Variants in SV2C observed in about 807,000 individuals in gnomAD.
The protein encoded by SV2C is synaptic vesicle glycoprotein 2C, also known as solute carrier family 22 member B3.
SV2C carries 49 observed loss-of-function variants against 79.7 expected under a neutral mutation model. That is an observed-to-expected ratio of 0.61 (90% CI 0.49 to 0.78). SV2C has a LOEUF of 0.78. SV2C is among the 30% of genes least tolerant of loss of function. The pLI is 0.00. For missense variants in SV2C, 833 were observed against 912.9 expected, an observed-to-expected ratio of 0.91 and a Z score of 1.13; for synonymous variants, 334 against 333.2, an observed-to-expected ratio of 1.00 and a Z score of -0.03.
the SV2C span, among the ~76,000 whole-genome samples, chr5:76,022,267 T>C: frequency 6.6e-6 from 1 of 152,204 alleles, no homozygotes; most frequent in East Asian, 1.9e-4. Flanking sequence ...TCTTCCCAAG[T>C]ACCTGACTGC....
At chr5:76,196,704 C>T (rs749555081) in intron 3 of SV2C, among the ~76,000 whole-genome samples, 1 of 152,228 alleles carries the variant, frequency 6.6e-6, no homozygotes, top group African/African-American at 2.4e-5. Flanking sequence ...AGAAGGCTAA[C>T]AGCATAAGCG....
the SV2C span, among the ~76,000 whole-genome samples, chr5:76,041,890 A>G: frequency 6.6e-6 from 1 of 152,206 alleles, no homozygotes; most frequent in East Asian, 1.9e-4. Flanking sequence ...GAGTTTATTC[A>G]CTGACGGAAG....
At chr5:76,173,128 A>G (rs1475242168) in intron 2 of SV2C, among the ~76,000 whole-genome samples, 6 of 148,530 alleles carry the variant, frequency 4.0e-5, no homozygotes, top group African/African-American at 1.5e-4. Context: ...TATTTTGTAC[A>G]ATAATAATGA....
chr5:76,146,666 C>T (rs1312888500), intron 2 of SV2C, among the ~76,000 whole-genome samples: 1 of 151,950 alleles, frequency 6.6e-6, no homozygotes, highest in Non-Finnish European at 1.5e-5. Flanking sequence ...GGGAATGCAG[C>T]CCAGTAGGTC....
At chr5:75,870,291 A>T in the SV2C span, among the ~76,000 whole-genome samples, 4 of 152,088 alleles carry the variant, frequency 2.6e-5, no homozygotes, top group Non-Finnish European at 4.4e-5. Flanking sequence ...GAATTCTACC[A>T]GATAAATTTA....
the SV2C span, among the ~76,000 whole-genome samples, chr5:75,983,784 A>G: frequency 6.6e-6 from 1 of 152,088 alleles, no homozygotes; most frequent in Non-Finnish European, 1.5e-5. Context: ...CCTGCCTCTG[A>G]GATTTGCCTT....
At chr5:76,239,506 G>A (rs894075499) in intron 4 of SV2C, among the ~76,000 whole-genome samples, 4 of 152,176 alleles carry the variant, frequency 2.6e-5, no homozygotes, top group Non-Finnish European at 4.4e-5. Context: ...CATGATACCT[G>A]GGGTCTTTGC....
chr5:75,875,516 C>T, the SV2C span, among the ~76,000 whole-genome samples: 1 of 152,122 alleles, frequency 6.6e-6, no homozygotes, highest in Non-Finnish European at 1.5e-5. Flanking sequence ...AGTACATAGG[C>T]ACAGGCAAAT....
At chr5:76,286,869 T>C (rs1226236443) in intron 6 of SV2C, 1 of 152,104 alleles carries the variant, frequency 6.6e-6, no homozygotes, top group Non-Finnish European at 1.5e-5. Flanking sequence ...CTGACTGTCA[T>C]GAGAACAGCA....
At chr5:76,319,231 T>C (rs12055200) in intron 12 of SV2C, among the ~76,000 whole-genome samples, 2 of 145,702 alleles carry the variant, frequency 1.4e-5, no homozygotes, top group East Asian at 4.1e-4. Flanking sequence ...GGCAACATGG[T>C]GAAACCTGCA....
chr5:76,053,138 C>G, the SV2C span, among the ~76,000 whole-genome samples: 1 of 150,554 alleles, frequency 6.6e-6, no homozygotes, highest in East Asian at 1.9e-4. Context: ...GTAGAATACT[C>G]AAGAACTTCA....
At chr5:75,864,310 C>CTCCA in the SV2C span, among the ~76,000 whole-genome samples, 34,310 of 149,612 alleles carry the variant, frequency 0.23, 4,128 homozygotes, top group South Asian at 0.33. Flanking sequence ...TCCAGTGCCA[C>CTCCA]TCCATCCATC....
At chr5:76,144,701 C>A (rs1020137867) in intron 2 of SV2C, among the ~76,000 whole-genome samples, 2 of 152,022 alleles carry the variant, frequency 1.3e-5, no homozygotes, top group African/African-American at 4.8e-5. Context: ...AGGGCAGATG[C>A]AGAATATTCA....
At chr5:75,850,790 T>C in the SV2C span, among the ~76,000 whole-genome samples, 2,111 of 152,144 alleles carry the variant, frequency 0.014, 52 homozygotes, top group African/African-American at 0.049. Context: ...GACAAAGGCT[T>C]GCTGGGGATT....
chr5:76,258,313 A>T (rs912180092), intron 4 of SV2C, among the ~76,000 whole-genome samples: 5 of 152,220 alleles, frequency 3.3e-5, no homozygotes, highest in Middle Eastern at 3.4e-3. Context: ...AGACAGAAGG[A>T]CATGGGCAGG....
chr5:76,026,968 TC>T, the SV2C span, among the ~76,000 whole-genome samples: 3 of 152,284 alleles, frequency 2.0e-5, no homozygotes, highest in African/African-American at 7.2e-5. Context: ...CTATTTTTTT[TC>T]TAAGGGAATT....
At chr5:75,954,829 A>G in the SV2C span, among the ~76,000 whole-genome samples, 11 of 143,824 alleles carry the variant, frequency 7.6e-5, no homozygotes, top group African/African-American at 2.8e-4. Context: ...TAGGAATCCA[A>G]CTTACAAGGG....
At chr5:76,078,658 G>A (rs547964625), upstream of SV2C, 587 of 437,768 alleles carry the variant, frequency 1.3e-3, 5 homozygotes, top group African/African-American at 0.011. Flanking sequence ...GGAGGGCCTC[G>A]CCTCACTGTC....
At chr5:76,294,641 T>C (rs1747681703) in intron 8 of SV2C, among the ~76,000 whole-genome samples, 1 of 152,216 alleles carries the variant, frequency 6.6e-6, no homozygotes, top group South Asian at 2.1e-4. Flanking sequence ...ATTTTTACCT[T>C]CTTTTTTTCC....
Sources: allele counts gnomAD v4.1 joint callset (sites outside exome capture counted in the v4.1 genomes callset), GRCh38; gene constraint gnomAD v4.1.1; transcripts MANE v1.5; gene names NCBI Gene and HGNC (gene_info 2026-07-23, HGNC 2026-07-21).